KATNAL1: variants seen among roughly 807,000 people sequenced by gnomAD.
KATNAL1 encodes katanin p60 ATPase-containing subunit A-like 1.
In KATNAL1, 32 loss-of-function variants were observed where a neutral mutation model predicts 55.2. That is an observed-to-expected ratio of 0.58 (90% CI 0.44 to 0.78). KATNAL1 has a LOEUF of 0.78. KATNAL1 is among the 30% of genes least tolerant of loss of function. The pLI is 0.00. For missense variants in KATNAL1, 466 were observed against 600.9 expected, an observed-to-expected ratio of 0.78 and a Z score of 2.35; for synonymous variants, 193 against 193.6, an observed-to-expected ratio of 1.00 and a Z score of 0.02.
chr13:30,307,189 C>G (rs1024386878), intron 1 of KATNAL1, 142 bp downstream of exon 1: 1 of 152,428 alleles, frequency 6.6e-6, no homozygotes, highest in East Asian at 1.9e-4. Flanking sequence ...CCCTCCCCGT[C>G]CCCGCACGGG....
intron 9 of KATNAL1, among the ~76,000 whole-genome samples, chr13:30,214,859 A>G (rs938719989): frequency 7.1e-4 from 108 of 151,530 alleles, no homozygotes; most frequent in African/African-American, 2.4e-3. Context: ...GGACATAGGC[A>G]TGGGCAAGGA....
At chr13:30,257,362 C>A (rs149660234) in intron 3 of KATNAL1, among the ~76,000 whole-genome samples, 2 of 152,148 alleles carry the variant, frequency 1.3e-5, no homozygotes, top group Non-Finnish European at 2.9e-5. Flanking sequence ...CTTTTGTAAG[C>A]GGCTTCACCT....
At chr13:30,268,183 T>C (rs1879928671) in intron 3 of KATNAL1, among the ~76,000 whole-genome samples, 1 of 152,196 alleles carries the variant, frequency 6.6e-6, no homozygotes, top group African/African-American at 2.4e-5. Flanking sequence ...CTAAGGCACC[T>C]GGCTGAAGCA....
chr13:30,228,997 C>T (rs957837562), intron 8 of KATNAL1, among the ~76,000 whole-genome samples: 5 of 152,238 alleles, frequency 3.3e-5, no homozygotes, highest in Non-Finnish European at 7.3e-5. Flanking sequence ...AAGTGATCCT[C>T]CTACCTCAGC....
At chr13:30,281,754 C>T (rs1223017744) in intron 2 of KATNAL1, 1 of 152,200 alleles carries the variant, frequency 6.6e-6, no homozygotes, top group Non-Finnish European at 1.5e-5. Context: ...AATTTTAACA[C>T]TAAGTGGGGA....
chr13:30,302,119 C>T (rs1882895591), intron 1 of KATNAL1, among the ~76,000 whole-genome samples: 1 of 152,222 alleles, frequency 6.6e-6, no homozygotes, highest in Admixed American at 6.5e-5. Flanking sequence ...AAGCTTTCTG[C>T]CCCTCTCAGC....
intron 3 of KATNAL1, among the ~76,000 whole-genome samples, chr13:30,258,159 T>C (rs1272358822): frequency 1.3e-5 from 2 of 152,236 alleles, no homozygotes; most frequent in African/African-American, 4.8e-5. Context: ...ATTTAGAGAA[T>C]AACTGGTTAG....
chr13:30,293,326 T>C (rs1009915339), intron 1 of KATNAL1, among the ~76,000 whole-genome samples: 2 of 152,150 alleles, frequency 1.3e-5, no homozygotes, highest in Admixed American at 6.5e-5. Context: ...GGTATATAAC[T>C]TAAAGTGCAC....
At chr13:30,274,883 ACACACATACGCGCGCGCGCGCGCG>A (rs1317181122) in intron 3 of KATNAL1, among the ~76,000 whole-genome samples, 14 of 129,290 alleles carry the variant, frequency 1.1e-4, no homozygotes, top group African/African-American at 3.3e-4. Flanking sequence ...GGGTGTGTGC[ACACACATACGCGCGCGCGCGCGCG>A]CACACACACA....
intron 1 of KATNAL1, among the ~76,000 whole-genome samples, chr13:30,288,184 G>A (rs894549229): frequency 6.6e-6 from 1 of 152,118 alleles, no homozygotes; most frequent in African/African-American, 2.4e-5. Context: ...ACTTTTCAAA[G>A]TAGGTTAGGT....
At chr13:30,249,474 AAG>A (rs1456274411) in intron 4 of KATNAL1, among the ~76,000 whole-genome samples, 5 of 152,232 alleles carry the variant, frequency 3.3e-5, no homozygotes, top group Non-Finnish European at 5.9e-5. Context: ...CATTACTCAC[AAG>A]AGTCTCAAGC....
At chr13:30,301,904 C>T (rs1882880064) in intron 1 of KATNAL1, among the ~76,000 whole-genome samples, 1 of 152,214 alleles carries the variant, frequency 6.6e-6, no homozygotes, top group African/African-American at 2.4e-5. Context: ...CAAGGTCTCA[C>T]TCTGTCGCCC....
chr13:30,269,233 A>C (rs1020699867), intron 3 of KATNAL1, among the ~76,000 whole-genome samples: 2 of 152,350 alleles, frequency 1.3e-5, no homozygotes, highest in Non-Finnish European at 1.5e-5. Context: ...AGGCGCACGC[A>C]GCCACGCCTG....
intron 3 of KATNAL1, among the ~76,000 whole-genome samples, chr13:30,259,526 G>A (rs1242101485): frequency 2.6e-5 from 4 of 152,172 alleles, no homozygotes; most frequent in Non-Finnish European, 4.4e-5. Flanking sequence ...CACCGTGCAC[G>A]AGCCGAAGCA....
At chr13:30,289,672 A>G (rs192606637) in intron 1 of KATNAL1, among the ~76,000 whole-genome samples, 2 of 152,344 alleles carry the variant, frequency 1.3e-5, no homozygotes, top group South Asian at 4.1e-4. Flanking sequence ...TCCATGCTTC[A>G]GCATGCTTTA....
intron 9 of KATNAL1, 52 bp downstream of exon 9, chr13:30,227,360 G>A: frequency 6.4e-7 from 1 of 1,554,980 alleles, no homozygotes; most frequent in African/African-American, 1.4e-5. Context: ...TTAGATACAT[G>A]GGAAAGGTAA....
chr13:30,253,776 T>C (rs1448930079), intron 4 of KATNAL1, among the ~76,000 whole-genome samples: 1 of 152,226 alleles, frequency 6.6e-6, no homozygotes, highest in Non-Finnish European at 1.5e-5. Flanking sequence ...CTGGATCTCT[T>C]TTGGTAAATC....
At chr13:30,252,019 A>G (rs547137989) in intron 4 of KATNAL1, among the ~76,000 whole-genome samples, 3 of 152,364 alleles carry the variant, frequency 2.0e-5, no homozygotes, top group Admixed American at 1.3e-4. Context: ...TCAGTCTCAG[A>G]AAATAAACTC....
intron 4 of KATNAL1, among the ~76,000 whole-genome samples, chr13:30,247,203 C>T: frequency 6.6e-6 from 1 of 152,150 alleles, no homozygotes; most frequent in East Asian, 1.9e-4. Context: ...CACCCCTGGG[C>T]TACTCTTACC....
Sources: allele counts gnomAD v4.1 joint callset (sites outside exome capture counted in the v4.1 genomes callset), GRCh38; gene constraint gnomAD v4.1.1; transcripts MANE v1.5; gene names NCBI Gene and HGNC (gene_info 2026-07-23, HGNC 2026-07-21).